Variants in PTPRR observed in about 807,000 individuals in gnomAD.
PTPRR encodes the protein protein tyrosine phosphatase receptor type R.
Under a neutral mutation model 77.2 loss-of-function variants are expected in PTPRR, and 38 were observed. The ratio of observed to expected loss-of-function variants is 0.49; its 90% CI spans 0.38 to 0.65. PTPRR has a LOEUF of 0.65. PTPRR is among the 30% of genes least tolerant of loss of function. The pLI is 0.00. For missense variants in PTPRR, 744 were observed against 799.2 expected (o/e 0.93, Z 0.83); for synonymous variants, 299 against 283.1 (o/e 1.06, Z -0.57).
intron 1 of PTPRR, among the ~76,000 whole-genome samples, chr12:70,915,976 C>T (rs1441903220): frequency 6.6e-6 from 1 of 152,006 alleles, no homozygotes; most frequent in Middle Eastern, 3.2e-3. Context: ...CTAATACATG[C>T]AATAATAAAC....
intron 2 of PTPRR, among the ~76,000 whole-genome samples, chr12:70,784,320 G>A (rs939761523): frequency 6.6e-6 from 1 of 152,216 alleles, no homozygotes; most frequent in Non-Finnish European, 1.5e-5. Flanking sequence ...TCCCAGTTCC[G>A]CAGGCTCCAT....
intron 2 of PTPRR, among the ~76,000 whole-genome samples, chr12:70,821,527 G>A (rs376731364): frequency 4.0e-5 from 6 of 150,224 alleles, no homozygotes; most frequent in Admixed American, 2.0e-4. Flanking sequence ...GCCCGGCTGC[G>A]ATCACTCTTT....
intron 10 of PTPRR, among the ~76,000 whole-genome samples, chr12:70,682,873 C>T (rs1232224610): frequency 6.6e-6 from 1 of 152,000 alleles, no homozygotes; most frequent in East Asian, 1.9e-4. Context: ...GTTAGTAAGC[C>T]ATGTAGTGAA....
chr12:70,709,882 A>C (rs1225808161), intron 6 of PTPRR, among the ~76,000 whole-genome samples: 6 of 152,158 alleles, frequency 3.9e-5, no homozygotes, highest in Non-Finnish European at 7.4e-5. Flanking sequence ...CATGTATAGG[A>C]AGAATTAATA....
rs57670788 is a variant in PTPRR, at chr12:70,735,720, T to C, written c.1007+10098A>G. On this transcript the variant is annotated intron_variant, in intron 6 of 13. Coordinates refer to ENST00000283228, the MANE Select transcript of PTPRR (RefSeq NM_002849.4). Reference sequence around the variant, plus strand: ...GCTAGATTTTTATTTCTTTGTGACATTGAGCATATTACTTATCTCTCTAAG... The same window carrying C: ...GCTAGATTTTTATTTCTTTGTGACACTGAGCATATTACTTATCTCTCTAAG... Among the ~76,000 whole-genome samples the C allele has an allele frequency of 7.7e-3, 1,175 of 152,354 alleles. 17 individuals are homozygous for C. The highest frequency in any genetic ancestry group is 0.027 in the African/African-American group (1,104 of 41,576).
At position 70,745,993 on chromosome 12, in the gene PTPRR, G is replaced by C. The variant is rs779437998; in HGVS notation, c.832C>G (p.Pro278Ala). The C allele has an allele frequency of 6.2e-7, 1 of 1,613,936 alleles. No individual in the cohort carries two copies. The highest frequency in any genetic ancestry group is 1.3e-5 in the African/African-American group (1 of 74,890). ...EIHLSPITLQ[P>A]ALSEAKTVHS... ...ACTGTCTTTGCCTCGGACAGTGCTG[G>C]CTGTAATGTGATGGGCGATAGGTGG... The change falls in exon 6 of 14, where the codon CCA (proline) becomes GCA (alanine). Residue 278 changes from proline to alanine, a missense_variant. Transcript: ENST00000283228.
At chr12:70,777,998 A>G (rs1891126089) in intron 2 of PTPRR, among the ~76,000 whole-genome samples, 1 of 152,176 alleles carries the variant, frequency 6.6e-6, no homozygotes, top group Admixed American at 6.5e-5. Context: ...CCAGTCTTTT[A>G]TTTTTAGAAG....
intron 8 of PTPRR, among the ~76,000 whole-genome samples, chr12:70,692,558 C>T (rs1888091563): frequency 6.6e-6 from 1 of 152,128 alleles, no homozygotes; most frequent in Admixed American, 6.6e-5. Context: ...TAATGATCAT[C>T]CCAAGGCCTC....
At chr12:70,866,106 A>C (rs953268789) in intron 2 of PTPRR, among the ~76,000 whole-genome samples, 3 of 152,050 alleles carry the variant, frequency 2.0e-5, no homozygotes, top group Admixed American at 6.6e-5. Flanking sequence ...TTGACACCCT[A>C]ACATCACAAT....
intron 2 of PTPRR, among the ~76,000 whole-genome samples, chr12:70,776,800 C>A (rs965134416): frequency 6.6e-6 from 1 of 152,162 alleles, no homozygotes; most frequent in Non-Finnish European, 1.5e-5. Flanking sequence ...TGACTTCTCC[C>A]CCTTCTTTTG....
At chr12:70,764,497 C>A (rs56192104) in intron 3 of PTPRR, among the ~76,000 whole-genome samples, 168 bp downstream of exon 3, 6,344 of 152,142 alleles carry the variant, frequency 0.042, 446 homozygotes, top group African/African-American at 0.14. Flanking sequence ...GCATCATGGG[C>A]AATGGGTAGA....
chr12:70,657,772 T>C (rs374253210), intron 12 of PTPRR, among the ~76,000 whole-genome samples: 30 of 152,272 alleles, frequency 2.0e-4, no homozygotes, highest in African/African-American at 7.0e-4. Flanking sequence ...TTTACATCTC[T>C]CCCTTTCTCA....
intron 6 of PTPRR, among the ~76,000 whole-genome samples, chr12:70,715,610 G>A (rs1042348419): frequency 3.3e-5 from 5 of 152,148 alleles, no homozygotes; most frequent in Non-Finnish European, 5.9e-5. Context: ...ACCCCCAGGC[G>A]CGTATTCTCT....
intron 13 of PTPRR, among the ~76,000 whole-genome samples, chr12:70,643,350 T>A (rs1886078696): frequency 6.6e-6 from 1 of 151,574 alleles, no homozygotes; most frequent in Non-Finnish European, 1.5e-5. Context: ...TGTTTTGTTT[T>A]TTAAGAGAGA....
At chr12:70,773,451 C>A (rs1337934515) in intron 2 of PTPRR, among the ~76,000 whole-genome samples, 1 of 152,112 alleles carries the variant, frequency 6.6e-6, no homozygotes, top group Non-Finnish European at 1.5e-5. Context: ...TGAGTCAATA[C>A]AAGTAGGAAG....
intron 2 of PTPRR, among the ~76,000 whole-genome samples, chr12:70,876,417 G>A (rs899357870): frequency 1.3e-5 from 2 of 152,066 alleles, no homozygotes; most frequent in Non-Finnish European, 2.9e-5. Flanking sequence ...TGACTCAGAA[G>A]AATAGTTTCA....
intron 3 of PTPRR, among the ~76,000 whole-genome samples, 172 bp downstream of exon 3, chr12:70,764,493 T>C (rs1209692243): frequency 6.6e-6 from 1 of 152,188 alleles, no homozygotes; most frequent in African/African-American, 2.4e-5. Flanking sequence ...AAAGGCATCA[T>C]GGGCAATGGG....
chr12:70,745,388 TA>T (rs1206885101), intron 6 of PTPRR, among the ~76,000 whole-genome samples: 1 of 152,076 alleles, frequency 6.6e-6, no homozygotes, highest in Non-Finnish European at 1.5e-5. Flanking sequence ...GCTAAAACTT[TA>T]AAAAAAATTA....
chr12:70,664,306 C>T (rs557004190), intron 10 of PTPRR: 1 of 152,180 alleles, frequency 6.6e-6, no homozygotes, highest in African/African-American at 2.4e-5. Context: ...AAAATTTTCC[C>T]ACTTTGTTAA....
Sources: gnomAD v4.1 joint callset for allele counts (sites outside exome capture counted in the v4.1 genomes callset) on GRCh38, gnomAD v4.1.1 for gene constraint, MANE v1.5 for transcripts, NCBI Gene and HGNC (gene_info 2026-07-23, HGNC 2026-07-21) for gene names.